Variants in CNIH3 observed in about 807,000 individuals in gnomAD.
CNIH3 encodes protein cornichon homolog 3.
Under a neutral mutation model 24.1 loss-of-function variants are expected in CNIH3, and 14 were observed. That is an observed-to-expected ratio of 0.58 (90% CI 0.38 to 0.91). CNIH3 has a LOEUF of 0.91. CNIH3 is among the 40% of genes least tolerant of loss of function. The pLI, the probability that CNIH3 is intolerant of heterozygous loss-of-function variation, is 0.00. For synonymous variants in CNIH3, 68 were observed against 73.8 expected, an observed-to-expected ratio of 0.92 and a Z score of 0.40; for missense variants, 178 against 196.8, an observed-to-expected ratio of 0.90 and a Z score of 0.57.
chr1:224,498,545 G>A (rs879913698), intron 1 of CNIH3, among the ~76,000 whole-genome samples: 3 of 152,196 alleles, frequency 2.0e-5, no homozygotes, highest in Non-Finnish European at 4.4e-5. Context: ...AACTATGTTG[G>A]TAGAGGGTGA....
intron 1 of CNIH3, among the ~76,000 whole-genome samples, chr1:224,472,432 T>C (rs1211494235): frequency 1.3e-5 from 2 of 152,192 alleles, no homozygotes; most frequent in African/African-American, 4.8e-5. Context: ...TATATATGTA[T>C]ACATCATGGA....
rs1303242660 is a variant in CNIH3, at chr1:224,623,831, C to T, written c.81+6576C>T. On this transcript the variant is annotated intron_variant, in intron 1 of 5. Transcript: ENST00000272133. ...GTCTGTGTCTTCAGCCACTGCCCTT[C>T]GCAGGTCCACCCGTCCCCACCCCCT... is the stretch of plus-strand genomic sequence containing the variant. Among the ~76,000 whole-genome samples, 4 of 152,162 alleles carry T rather than the reference C, an allele frequency of 2.6e-5. No individual in the cohort carries two copies. In the East Asian group the frequency reaches 5.8e-4, roughly 22 times the overall value.
chr1:224,598,933 C>T (rs1006315797), intron 3 of CNIH3, among the ~76,000 whole-genome samples: 4 of 152,032 alleles, frequency 2.6e-5, no homozygotes, highest in African/African-American at 9.7e-5. Flanking sequence ...CTAGGTGTAC[C>T]TGTATAAACA....
At chr1:224,559,559 G>A (rs1472891095) in intron 3 of CNIH3, among the ~76,000 whole-genome samples, 1 of 152,038 alleles carries the variant, frequency 6.6e-6, no homozygotes, top group Non-Finnish European at 1.5e-5. Context: ...TTTTTGTAGA[G>A]ATGGGGTGTC....
chr1:224,459,980 G>T (rs754303858), intron 1 of CNIH3, among the ~76,000 whole-genome samples: 2 of 150,854 alleles, frequency 1.3e-5, no homozygotes, highest in African/African-American at 4.9e-5. Context: ...GGGCTCAAGC[G>T]ATCTTCCTGC....
intron 3 of CNIH3, among the ~76,000 whole-genome samples, chr1:224,724,104 G>A (rs755003734): frequency 2.5e-4 from 38 of 152,174 alleles, no homozygotes; most frequent in African/African-American, 8.4e-4. Context: ...AGGTTATTCT[G>A]TGTTAAGTTG....
At chr1:224,607,531 G>T (rs1009694574) in intron 3 of CNIH3, among the ~76,000 whole-genome samples, 2 of 151,994 alleles carry the variant, frequency 1.3e-5, no homozygotes, top group Non-Finnish European at 2.9e-5. Context: ...CATTCCTCTG[G>T]TCCTCAGTTG....
At chr1:224,646,960 G>T (rs1302428420) in intron 1 of CNIH3, among the ~76,000 whole-genome samples, 1 of 152,158 alleles carries the variant, frequency 6.6e-6, no homozygotes, top group Non-Finnish European at 1.5e-5. Context: ...AGACATGACT[G>T]CTGTCACACA....
chr1:224,503,358 T>G (rs1677762851), intron 1 of CNIH3, among the ~76,000 whole-genome samples: 2 of 152,282 alleles, frequency 1.3e-5, no homozygotes, highest in Admixed American at 1.3e-4. Flanking sequence ...TTTCCTCCCT[T>G]GCTTCTGTCT....
At chr1:224,737,462 T>C (rs920363788) in intron 5 of CNIH3, among the ~76,000 whole-genome samples, 1 of 152,204 alleles carries the variant, frequency 6.6e-6, no homozygotes, top group Non-Finnish European at 1.5e-5. Context: ...ACATTCTTTG[T>C]TGAATCTGGC....
At chr1:224,495,501 G>A (rs1415281950) in intron 1 of CNIH3, among the ~76,000 whole-genome samples, 1 of 152,192 alleles carries the variant, frequency 6.6e-6, no homozygotes, top group Non-Finnish European at 1.5e-5. Flanking sequence ...ACAAAGCTGA[G>A]CCAAAATAGT....
In CNIH3 at chr1:224,582,063, G is replaced by A. The variant is rs566599528; in HGVS notation, n.517-1101G>A. On this transcript the variant is annotated intron_variant and non_coding_transcript_variant, in intron 4 of 5. Transcript: ENST00000471578. ...TCATGATAACAAAAATTGGACAGAGGGGGTGTGGGGAGGGCTGTGGAAGCT... is the reference window on the plus strand; with the variant it reads ...TCATGATAACAAAAATTGGACAGAGAGGGTGTGGGGAGGGCTGTGGAAGCT... 5.9e-5 allele frequency among the ~76,000 whole-genome samples: 9 copies of A among 152,258 alleles called. No homozygotes were observed. In the East Asian group the frequency reaches 1.2e-3, roughly 20 times the overall value.
At chr1:224,658,261 G>C (rs1685190596) in intron 1 of CNIH3, among the ~76,000 whole-genome samples, 1 of 152,170 alleles carries the variant, frequency 6.6e-6, no homozygotes, top group Non-Finnish European at 1.5e-5. Flanking sequence ...AACCTCCCTG[G>C]CTCAAGCAGT....
In CNIH3 at chr1:224,500,465, A is replaced by T. The variant is rs1156353379; in HGVS notation, n.204-15276A>T. On this transcript the variant is annotated intron_variant and non_coding_transcript_variant, in intron 1 of 5. Coordinates refer to the CNIH3 transcript ENST00000471578. ...GGCAGGCAGATAGCTTGAACTCAGG[A>T]GTTGGAAACCAGCCTGGCCAACATG... Among the ~76,000 whole-genome samples, 3 of 152,270 alleles carry T rather than the reference A, an allele frequency of 2.0e-5. No homozygotes were observed. The East Asian group carries it at 5.8e-4, about 29-fold the overall frequency.
At chr1:224,486,175 G>A (rs1677021809) in intron 1 of CNIH3, among the ~76,000 whole-genome samples, 1 of 152,048 alleles carries the variant, frequency 6.6e-6, no homozygotes, top group Non-Finnish European at 1.5e-5. Context: ...GTGTGATCAC[G>A]GCTTACTGCA....
At chr1:224,715,643 G>A (rs980832566) in intron 3 of CNIH3, among the ~76,000 whole-genome samples, 10 of 152,330 alleles carry the variant, frequency 6.6e-5, no homozygotes, top group African/African-American at 1.4e-4. Flanking sequence ...GCTTCCACTC[G>A]TGGCAGAAGG....
At chr1:224,705,921 C>T (rs1384316665) in intron 3 of CNIH3, among the ~76,000 whole-genome samples, 6 of 127,486 alleles carry the variant, frequency 4.7e-5, no homozygotes, top group African/African-American at 1.5e-4. Flanking sequence ...ATCGTCACTT[C>T]GGGGAAGCCT....
At chr1:224,570,215 G>T (rs1190186486) in intron 4 of CNIH3, among the ~76,000 whole-genome samples, 3 of 152,172 alleles carry the variant, frequency 2.0e-5, no homozygotes, top group African/African-American at 7.2e-5. Context: ...GTGCAAGTTT[G>T]TTCCATGGGT....
At chr1:224,548,729 C>A (rs919677166) in intron 3 of CNIH3, among the ~76,000 whole-genome samples, 1 of 151,208 alleles carries the variant, frequency 6.6e-6, no homozygotes, top group South Asian at 2.1e-4. Context: ...TTAGTAACAT[C>A]TAAGGGAGAT....
Sources: gnomAD v4.1 joint callset for allele counts (sites outside exome capture counted in the v4.1 genomes callset) on GRCh38, gnomAD v4.1.1 for gene constraint, MANE v1.5 for transcripts, NCBI Gene and HGNC (gene_info 2026-07-23, HGNC 2026-07-21) for gene names.